Variants in CCDC40 observed in about 807,000 individuals in gnomAD.
CCDC40 encodes the protein coiled-coil domain 40 molecular ruler complex subunit, also known as coiled-coil domain-containing protein 40.
Under a neutral mutation model 124.5 loss-of-function variants are expected in CCDC40, and 104 were observed. That is an observed-to-expected ratio of 0.84 (90% CI 0.71 to 0.98). The LOEUF is 0.98. Among genes scored for constraint, CCDC40 ranks in the 50% least tolerant of loss-of-function variants. CCDC40 has a pLI of 0.00. For missense variants in CCDC40, 1,463 were observed against 1,503.9 expected (o/e 0.97, Z 0.45); for synonymous variants, 580 against 602.9 (o/e 0.96, Z 0.56).
Position 80,090,265 on chromosome 17 carries a change from G to A in CCDC40, c.2832+381G>A, listed in dbSNP as rs7207166. 203,378 of 572,324 alleles carry A rather than the reference G, an allele frequency of 0.36. 75,464 individuals carry two copies. Among genetic ancestry groups the A allele is most frequent in the African/African-American group, 0.82 (33,115 of 40,374 alleles). The allele number at this position is 572,324 out of a possible 1,614,324, so 35.5% of individuals were successfully genotyped here. A position where few individuals can be genotyped will look rare whatever the true frequency, so the allele number is the denominator to read the frequency against. On this transcript the variant is annotated intron_variant, in intron 17 of 19. Transcript: ENST00000397545. The stretch of plus-strand genomic sequence containing the variant: ...TGCACGAACAACACGGGACGCGCGC[G>A]GGCACGTGCACGAACAACACGGGAC...
chr17:80,057,205 A>C (rs1365416544), intron 7 of CCDC40, among the ~76,000 whole-genome samples: 1 of 151,726 alleles, frequency 6.6e-6, no homozygotes, highest in East Asian at 2.0e-4. Flanking sequence ...CTCCCACCTC[A>C]GCCTCCTGAG....
intron 1 of CCDC40, 113 bp from the exon 2 acceptor site, chr17:80,038,010 G>T (rs1351801981): frequency 1.7e-5 from 12 of 714,058 alleles, no homozygotes; most frequent in African/African-American, 7.1e-5. Context: ...ACAGCCTGGG[G>T]GTGGCAGAGA....
chr17:80,038,253 G>A (rs963748399), intron 2 of CCDC40, 67 bp downstream of exon 2: 66 of 1,097,878 alleles, frequency 6.0e-5, no homozygotes, highest in Non-Finnish European at 8.2e-5. Flanking sequence ...ATCAGAGTAC[G>A]GGCACTGTGG....
At position 80,066,646 on chromosome 17, in the gene CCDC40, T is replaced by G. The variant is rs1471022932; in HGVS notation, c.1562+1040T>G. 6.2e-6 allele frequency: 1 copy of G among 161,230 alleles called. No homozygotes were observed. The highest frequency in any genetic ancestry group is 1.4e-5 in the Non-Finnish European group (1 of 73,956). The allele number at this position is 161,230 out of a possible 1,614,324, so 10.0% of individuals were successfully genotyped here. A position where few individuals can be genotyped will look rare whatever the true frequency, so the allele number is the denominator to read the frequency against. On this transcript the variant is annotated intron_variant, in intron 10 of 19. Coordinates refer to ENST00000397545, the MANE Select transcript of CCDC40 (RefSeq NM_017950.4). The surrounding 1 kb of genome is among the most constrained non-coding windows in gnomAD (Gnocchi z 4.4). ...TGTGGGCGCCTGTAATCCCCGCTAC[T>G]CGGGAGGGTGAGACAGAGAACTGCT...
chr17:80,090,323 GCGCGCAGGCA>G, intron 17 of CCDC40: 3 of 651,800 alleles, frequency 4.6e-6, no homozygotes, highest in Non-Finnish European at 6.9e-6. Context: ...AACACGGGAC[GCGCGCAGGCA>G]CGTGCACGAA....
chr17:80,091,340 C>CAG (rs1410513834), intron 17 of CCDC40, among the ~76,000 whole-genome samples: 28 of 145,796 alleles, frequency 1.9e-4, no homozygotes, highest in African/African-American at 7.1e-4. Flanking sequence ...CACACACACA[C>CAG]ACAGAGAGAG....
intron 11 of CCDC40, 29 bp from the exon 12 acceptor site, chr17:80,081,847 A>C (rs1270700071): frequency 5.6e-6 from 9 of 1,613,942 alleles, no homozygotes; most frequent in African/African-American, 1.3e-5. Flanking sequence ...CTCTTCAGGC[A>C]CGTGCACCCT....
intron 10 of CCDC40, among the ~76,000 whole-genome samples, chr17:80,079,492 C>G (rs2038396783): frequency 6.6e-6 from 1 of 152,132 alleles, no homozygotes; most frequent in African/African-American, 2.4e-5. Flanking sequence ...CTTTGCAGTT[C>G]TCTTCACACT....
intron 17 of CCDC40, among the ~76,000 whole-genome samples, chr17:80,094,583 TA>T (rs2038774719): frequency 1.3e-5 from 2 of 152,100 alleles, no homozygotes; most frequent in Non-Finnish European, 2.9e-5. Context: ...TAATCCTAGC[TA>T]CTCAGGAGGC....
intron 10 of CCDC40, among the ~76,000 whole-genome samples, chr17:80,075,946 A>T (rs997308483): frequency 6.6e-6 from 1 of 152,214 alleles, no homozygotes; most frequent in African/African-American, 2.4e-5. Flanking sequence ...TGAGAAGTGG[A>T]GCTGAGATGG....
At chr17:80,048,132 G>A (rs756760415) in intron 4 of CCDC40, among the ~76,000 whole-genome samples, 1 of 152,164 alleles carries the variant, frequency 6.6e-6, no homozygotes, top group Non-Finnish European at 1.5e-5. Flanking sequence ...GGTGGCGGGT[G>A]CCTGTAATCC....
chr17:80,080,343 C>T (rs746964976), intron 10 of CCDC40, among the ~76,000 whole-genome samples: 6 of 152,242 alleles, frequency 3.9e-5, no homozygotes, highest in Admixed American at 6.5e-5. Flanking sequence ...GCAGAGGTTG[C>T]AGTGAGGCAA....
chr17:80,094,711 G>A (rs1003540046), intron 17 of CCDC40, among the ~76,000 whole-genome samples: 2 of 152,076 alleles, frequency 1.3e-5, no homozygotes, highest in Non-Finnish European at 2.9e-5. Context: ...TTTTAAAAAA[G>A]CACAGTTTGG....
rs370338926 is a variant in CCDC40 at position 80,050,199 on chromosome 17, C to T, written c.1075C>T (p.Arg359Cys). ...CCGCCACGCAATGGCCTCGAGCGAG[C>T]GCAGGCAGAAGGAGGAGGAGCTGCA... ...HDRHAMASSE[R>C]RQKEEELQAA... Residue 359 changes from arginine to cysteine, a missense_variant, in exon 7 of 20, where the codon CGC becomes TGC. By Grantham distance (180) the Arg-to-Cys change is radical. Coordinates refer to ENST00000397545, the MANE Select transcript of CCDC40 (RefSeq NM_017950.4). 5.0e-5 allele frequency: 80 copies of T among 1,611,228 alleles called. No individual in the cohort carries two copies. The highest frequency in any genetic ancestry group is 6.2e-5 in the Non-Finnish European group (73 of 1,179,472).
chr17:80,080,731 G>C (rs980219580), intron 10 of CCDC40, among the ~76,000 whole-genome samples: 2 of 152,148 alleles, frequency 1.3e-5, no homozygotes, highest in African/African-American at 4.8e-5. Context: ...GTACAAAAGA[G>C]TTGTCAACTT....
chr17:80,053,826 C>T (rs960975612), intron 7 of CCDC40, among the ~76,000 whole-genome samples: 30 of 152,122 alleles, frequency 2.0e-4, no homozygotes, highest in Admixed American at 1.1e-3. Flanking sequence ...CCCCTGACCT[C>T]GTGATCCGCC....
intron 10 of CCDC40, among the ~76,000 whole-genome samples, chr17:80,079,014 A>G (rs1427251724): frequency 1.3e-5 from 2 of 151,322 alleles, no homozygotes; most frequent in African/African-American, 4.9e-5. Flanking sequence ...GCTTACTGCA[A>G]CATCCGCCTC....
intron 19 of CCDC40, 34 bp from the exon 20 acceptor site, chr17:80,099,493 C>T (rs1457346547): frequency 6.2e-7 from 1 of 1,600,508 alleles, no homozygotes; most frequent in Admixed American, 1.7e-5. Flanking sequence ...TTCTGGTTTG[C>T]ATAGCCCTAT....
At chr17:80,070,117 C>T (rs913554642) in intron 10 of CCDC40, among the ~76,000 whole-genome samples, 4 of 152,206 alleles carry the variant, frequency 2.6e-5, no homozygotes, top group East Asian at 1.9e-4. Flanking sequence ...GAGGAAGGAG[C>T]GGAAGGCAGT....
Sources: gnomAD v4.1 joint callset for allele counts (sites outside exome capture counted in the v4.1 genomes callset) on GRCh38, gnomAD v4.1.1 for gene constraint, Gnocchi (gnomAD v3.1) non-coding constraint, MANE v1.5 for transcripts, NCBI Gene and HGNC (gene_info 2026-07-23, HGNC 2026-07-21) for gene names.